GYG1: variants seen among roughly 807,000 people sequenced by gnomAD.
GYG1 encodes glycogenin 1.
Under a neutral mutation model 41.9 loss-of-function variants are expected in GYG1, and 44 were observed. The observed-to-expected ratio is 1.05, with a 90% CI of 0.83 to 1.35. The LOEUF (loss-of-function observed/expected upper bound fraction) is 1.35. GYG1 is among the 40% of genes most tolerant of loss of function. GYG1 has a pLI of 0.00. For synonymous variants in GYG1, 141 were observed against 158.1 expected (o/e 0.89, Z 0.81); for missense variants, 429 against 418.9 (o/e 1.02, Z -0.21).
chr3:148,997,235 T>C (rs1037690174), intron 4 of GYG1, among the ~76,000 whole-genome samples: 1 of 152,210 alleles, frequency 6.6e-6, no homozygotes, highest in Non-Finnish European at 1.5e-5. Flanking sequence ...CTTTAACATC[T>C]GTCTTTAAAC....
chr3:149,015,762 C>T (rs557588877), intron 5 of GYG1, among the ~76,000 whole-genome samples: 3 of 152,158 alleles, frequency 2.0e-5, no homozygotes, highest in African/African-American at 4.8e-5. Flanking sequence ...AATGGGGTGG[C>T]AGCTGGATGG....
intron 4 of GYG1, among the ~76,000 whole-genome samples, chr3:149,007,501 G>A (rs1324434530): frequency 1.3e-5 from 2 of 152,190 alleles, no homozygotes; most frequent in Non-Finnish European, 2.9e-5. Flanking sequence ...GATTCTTAGA[G>A]TTGATTGAAG....
chr3:149,016,271 A>AC (rs1281781100), intron 5 of GYG1, among the ~76,000 whole-genome samples: 3 of 150,716 alleles, frequency 2.0e-5, no homozygotes, highest in African/African-American at 7.3e-5. Context: ...AAAAAAAAAA[A>AC]AAAAACAAAA....
intron 4 of GYG1, among the ~76,000 whole-genome samples, chr3:148,997,750 T>C (rs1352979219): frequency 6.6e-6 from 1 of 152,232 alleles, no homozygotes; most frequent in Non-Finnish European, 1.5e-5. Flanking sequence ...GAGGACATTC[T>C]CTTAGAAGCC....
chr3:149,019,825 G>A (rs185419391), intron 5 of GYG1, among the ~76,000 whole-genome samples: 69 of 152,358 alleles, frequency 4.5e-4, no homozygotes, highest in Non-Finnish European at 6.2e-4. Context: ...CATATGGAGA[G>A]GTATTTAACC....
intron 4 of GYG1, among the ~76,000 whole-genome samples, chr3:149,006,514 G>A (rs1314835536): frequency 6.6e-6 from 1 of 152,146 alleles, no homozygotes; most frequent in Admixed American, 6.5e-5. Flanking sequence ...ATATAACTTT[G>A]TGAGATTGGA....
At position 149,029,812 on chromosome 3, in the gene GYG1, A is replaced by AATG. The variant is rs1370956498; in HGVS notation, c.*2882_*2884dup. Among the ~76,000 whole-genome samples the AATG allele has an allele frequency of 2.6e-5, 4 of 152,222 alleles. No homozygotes were observed. Among genetic ancestry groups the AATG allele is most frequent in the Non-Finnish European group, 4.4e-5 (3 of 68,038 alleles). On this transcript the variant is annotated 3_prime_UTR_variant, in exon 8 of 8. Transcript: ENST00000345003. Reference sequence around the variant, plus strand: ...CTGTAATTTTAAGGACAAAATGTACAATGATTGATTAAGAGTGCTATCTGT... The same window carrying AATG: ...CTGTAATTTTAAGGACAAAATGTACAATGATGATTGATTAAGAGTGCTATCTGT...
Position 149,026,753 on chromosome 3 carries a change from T to C in GYG1, c.880-7T>C, listed in dbSNP as rs1559845476. 11 of 1,585,898 alleles carry C rather than the reference T, an allele frequency of 6.9e-6. No individual in the cohort carries two copies. The highest frequency in any genetic ancestry group is 9.5e-6 in the Non-Finnish European group (11 of 1,154,384). On this transcript the variant is annotated splice_region_variant and splice_polypyrimidine_tract_variant and intron_variant, in intron 7 of 7. Transcript: ENST00000345003. ...TCTCATAGAGTCAATTATGCTTTCC[T>C]TTCTAGGAAGATGTCTCAGGAGCCA...
chr3:149,008,510 T>C (rs1713537379), intron 4 of GYG1, among the ~76,000 whole-genome samples: 1 of 152,252 alleles, frequency 6.6e-6, no homozygotes, highest in South Asian at 2.1e-4. Context: ...CAGGTATGCC[T>C]GTGCACCCCT....
intron 5 of GYG1, among the ~76,000 whole-genome samples, chr3:149,019,532 A>G (rs147216536): frequency 2.6e-5 from 4 of 152,334 alleles, no homozygotes; most frequent in South Asian, 2.1e-4. Flanking sequence ...TTTCTACTTT[A>G]AACAGCCTTA....
chr3:148,992,154 T>C (rs1225980329), intron 1 of GYG1, among the ~76,000 whole-genome samples: 1 of 152,226 alleles, frequency 6.6e-6, no homozygotes, highest in African/African-American at 2.4e-5. Context: ...GCTGAGCCTA[T>C]TTTTAGGCCT....
rs11480779 is a variant in GYG1, at chr3:149,010,327, CT to C, written c.608+943del. Among the ~76,000 whole-genome samples the C allele has an allele frequency of 9.1e-3, 1,181 of 129,428 alleles. 12 individuals carry two copies. The highest frequency in any genetic ancestry group is 0.029 in the African/African-American group (942 of 32,130). 84.9% of individuals were successfully genotyped at this position (129,428 alleles called of 152,430 possible). A position where few individuals can be genotyped will look rare whatever the true frequency, so the allele number is the denominator to read the frequency against. On this transcript the variant is annotated intron_variant, in intron 5 of 7. Coordinates refer to ENST00000345003, the MANE Select transcript of GYG1 (RefSeq NM_004130.4). ...AGCACGCACAGTCCCTGGTGCAGTT[CT>C]TTTTTTTTTTTTTTTTTGAGACGAA...
At chr3:149,017,582 G>GTGTTTTT (rs1714123850) in intron 5 of GYG1, among the ~76,000 whole-genome samples, 1 of 47,330 alleles carries the variant, frequency 2.1e-5, no homozygotes, top group African/African-American at 5.5e-5. Context: ...TTTTATTTAG[G>GTGTTTTT]TTTTTTTTTT....
At chr3:149,002,870 A>C (rs1485233802) in intron 4 of GYG1, among the ~76,000 whole-genome samples, 1 of 152,000 alleles carries the variant, frequency 6.6e-6, no homozygotes, top group Non-Finnish European at 1.5e-5. Context: ...AAAATGCAAA[A>C]ATTAGCCGGG....
At chr3:148,999,829 T>G (rs986365001) in intron 4 of GYG1, among the ~76,000 whole-genome samples, 1 of 152,228 alleles carries the variant, frequency 6.6e-6, no homozygotes, top group African/African-American at 2.4e-5. Flanking sequence ...CCACATTTTC[T>G]CACAACCATA....
chr3:149,000,536 T>G (rs950755629), intron 4 of GYG1, among the ~76,000 whole-genome samples: 1 of 152,248 alleles, frequency 6.6e-6, no homozygotes, highest in African/African-American at 2.4e-5. Context: ...TGAACTTGAC[T>G]CTGAAGAAAT....
intron 6 of GYG1, among the ~76,000 whole-genome samples, chr3:149,024,619 A>C (rs781026040): frequency 2.0e-5 from 3 of 152,232 alleles, no homozygotes; most frequent in Non-Finnish European, 4.4e-5. Context: ...TGTTTTAGGA[A>C]CTGCAAACAT....
chr3:149,017,701 T>G (rs1212802263), intron 5 of GYG1, among the ~76,000 whole-genome samples: 1 of 144,726 alleles, frequency 6.9e-6, no homozygotes, highest in Non-Finnish European at 1.5e-5. Flanking sequence ...CAGGTTCGGT[T>G]CAAGTAATTC....
At chr3:149,002,434 T>C (rs1350638218) in intron 4 of GYG1, among the ~76,000 whole-genome samples, 3 of 152,238 alleles carry the variant, frequency 2.0e-5, no homozygotes, top group Non-Finnish European at 4.4e-5. Context: ...TGATACTTAA[T>C]AATCTTTTAA....
Sources: allele counts gnomAD v4.1 joint callset (sites outside exome capture counted in the v4.1 genomes callset), GRCh38; gene constraint gnomAD v4.1.1; transcripts MANE v1.5; gene names NCBI Gene and HGNC (gene_info 2026-07-23, HGNC 2026-07-21).